GSE1: variants seen among roughly 807,000 people sequenced by gnomAD.
GSE1 encodes Gse1 coiled-coil protein.
Under a neutral mutation model 112.6 loss-of-function variants are expected in GSE1, and 32 were observed. The observed-to-expected ratio is 0.28, with a 90% confidence interval of 0.21 to 0.38. The LOEUF (loss-of-function observed/expected upper bound fraction) is 0.38. GSE1 is among the 10% of genes least tolerant of loss of function. The probability of loss-of-function intolerance (pLI) is 1.00; values close to 1 mark genes in which losing one functional copy is unlikely to be tolerated. For synonymous variants in GSE1, 1,115 were observed against 735.6 expected, an observed-to-expected ratio of 1.52 and a Z score of -8.35; for missense variants, 2,348 against 1,699.2, an observed-to-expected ratio of 1.38 and a Z score of -6.71.
intron 2 of GSE1, among the ~76,000 whole-genome samples, chr16:85,426,452 G>C (rs906068689): frequency 7.4e-6 from 1 of 134,900 alleles, no homozygotes; most frequent in Non-Finnish European, 1.6e-5. Context: ...AAGGAAGGAA[G>C]GAAGGGAGAA....
intron 2 of GSE1, among the ~76,000 whole-genome samples, chr16:85,390,551 G>A (rs569293224): frequency 1.3e-5 from 2 of 152,284 alleles, no homozygotes; most frequent in South Asian, 4.1e-4. Flanking sequence ...AACAATAAAG[G>A]TGTCGGGCTT....
chr16:85,283,012 G>C (rs917570914), intron 1 of GSE1: 2 of 152,506 alleles, frequency 1.3e-5, no homozygotes, highest in Non-Finnish European at 2.9e-5. Context: ...GGTCGGGCAG[G>C]GGGATCTGCT....
intron 14 of GSE1, 151 bp downstream of exon 14, chr16:85,668,575 G>A (rs553201547): frequency 1.9e-5 from 12 of 630,596 alleles, no homozygotes; most frequent in South Asian, 1.0e-4. Context: ...AGTTTCTTCC[G>A]GCTTCTGGTA....
chr16:85,313,533 C>CT (rs779800087), intron 1 of GSE1, among the ~76,000 whole-genome samples: 24 of 152,192 alleles, frequency 1.6e-4, no homozygotes, highest in Non-Finnish European at 3.1e-4. Flanking sequence ...CCCCACCCCC[C>CT]TGATCCCCTT....
At chr16:85,455,651 GAC>G (rs1268803783) in intron 2 of GSE1, among the ~76,000 whole-genome samples, 1 of 152,202 alleles carries the variant, frequency 6.6e-6, no homozygotes, top group Non-Finnish European at 1.5e-5. Flanking sequence ...TCAGATCAGA[GAC>G]AGACTCAGGG....
rs542435203 is a variant in GSE1, at chr16:85,182,650, C to T, written c.2283+10843C>T. ...TGGAGCACGCTGACTGCTCACCTGT[C>T]TCTTGGCAGGTGACAAGGTGAACCA... On this transcript the variant is annotated intron_variant, in intron 1 of 2. Transcript: ENST00000637419. 1.1e-4 allele frequency among the ~76,000 whole-genome samples: 17 copies of T among 152,306 alleles called. No homozygotes were observed. In the South Asian group the frequency reaches 3.5e-3, roughly 32 times the overall value.
In GSE1 at chr16:85,672,533, C is replaced by G. The variant is rs371328653; in HGVS notation, c.3648C>G (p.Pro1216=). 3 of 1,603,546 alleles carry G rather than the reference C, an allele frequency of 1.9e-6. No individual in the cohort carries two copies. Among genetic ancestry groups the G allele is most frequent in the South Asian group, 1.1e-5 (1 of 90,498 alleles). The change falls in exon 16 of 16, where the codon CCC becomes CCG. Residue 1216 remains proline, a synonymous_variant. Transcript: ENST00000253458. The stretch of plus-strand genomic sequence containing the variant: ...CTAGGGGCTACCTGAAGGGATATCC[C>G]AGGTGACGGTTTCCCTTGCACTAGG... ...HWPRGYLKGY[P]R is the part of the protein sequence containing the mutation.
intron 2 of GSE1, among the ~76,000 whole-genome samples, chr16:85,494,956 A>T (rs990401724): frequency 6.6e-6 from 1 of 152,128 alleles, no homozygotes; most frequent in Non-Finnish European, 1.5e-5. Context: ...TGCTGCTTGG[A>T]AACAGGTGGG....
intron 1 of GSE1, among the ~76,000 whole-genome samples, chr16:85,257,188 A>G (rs916554837): frequency 2.6e-5 from 4 of 152,186 alleles, no homozygotes; most frequent in Non-Finnish European, 5.9e-5. Flanking sequence ...GGCCCACTGC[A>G]ACCTCCACCT....
chr16:85,244,143 G>A (rs556315349), intron 1 of GSE1, among the ~76,000 whole-genome samples: 1 of 152,146 alleles, frequency 6.6e-6, no homozygotes, highest in Non-Finnish European at 1.5e-5. Context: ...AAAGTGGGGG[G>A]CATTAAGGTT....
intron 1 of GSE1, among the ~76,000 whole-genome samples, chr16:85,273,345 A>G (rs34720822): frequency 0.4 from 61,109 of 152,212 alleles, 14,297 homozygotes; most frequent in Non-Finnish European, 0.53. Flanking sequence ...AGTTAAGGGA[A>G]CGTGTGCCCA....
At chr16:85,606,451 G>A (rs766915495), upstream of GSE1, among the ~76,000 whole-genome samples, 14 of 152,224 alleles carry the variant, frequency 9.2e-5, no homozygotes, top group East Asian at 1.9e-4. Flanking sequence ...TCACACAGCT[G>A]CACTGTCTGG....
chr16:85,175,634 C>T (rs946700131), intron 1 of GSE1, among the ~76,000 whole-genome samples: 1 of 152,196 alleles, frequency 6.6e-6, no homozygotes, highest in Non-Finnish European at 1.5e-5. Context: ...TGCCTGCTGC[C>T]TTTCTGCTGG....
chr16:85,208,431 G>A (rs1014609943), intron 1 of GSE1, among the ~76,000 whole-genome samples: 11 of 152,168 alleles, frequency 7.2e-5, no homozygotes, highest in African/African-American at 2.4e-4. Flanking sequence ...TAGCAGCCAC[G>A]CCCTGGACCA....
intron 2 of GSE1, among the ~76,000 whole-genome samples, chr16:85,511,385 G>C (rs982548063): frequency 6.6e-6 from 1 of 152,086 alleles, no homozygotes; most frequent in African/African-American, 2.4e-5. Flanking sequence ...AAAATCAGCC[G>C]GGCATGGTAG....
At chr16:85,486,908 T>A (rs1237993337) in intron 2 of GSE1, among the ~76,000 whole-genome samples, 1 of 152,172 alleles carries the variant, frequency 6.6e-6, no homozygotes, top group Non-Finnish European at 1.5e-5. Flanking sequence ...GGCTGCAGGA[T>A]TCAGGCGAAA....
intron 1 of GSE1, among the ~76,000 whole-genome samples, chr16:85,558,698 G>GT (rs2045361081): frequency 6.6e-6 from 1 of 152,158 alleles, no homozygotes; most frequent in African/African-American, 2.4e-5. Context: ...CCGCATTATA[G>GT]TTTTTTTGGT....
chr16:85,215,495 C>T (rs1224715851), intron 1 of GSE1, among the ~76,000 whole-genome samples: 3 of 152,188 alleles, frequency 2.0e-5, no homozygotes, highest in Non-Finnish European at 4.4e-5. Flanking sequence ...TTTCAGAATT[C>T]ACCACTGTAT....
At chr16:85,398,891 T>C (rs1270426496) in intron 2 of GSE1, among the ~76,000 whole-genome samples, 2 of 152,084 alleles carry the variant, frequency 1.3e-5, no homozygotes, top group Non-Finnish European at 2.9e-5. Flanking sequence ...ACATGTGTGG[T>C]ATGTTTGTGT....
Sources: gnomAD v4.1 joint callset for allele counts (sites outside exome capture counted in the v4.1 genomes callset) on GRCh38, gnomAD v4.1.1 for gene constraint, MANE v1.5 for transcripts, NCBI Gene and HGNC (gene_info 2026-07-23, HGNC 2026-07-21) for gene names.